The following NTM variants were observed in gnomAD, a reference collection of about 807,000 sequenced individuals.
NTM encodes the protein neurotrimin.
A neutral mutation model predicts 42.1 loss-of-function variants in NTM; 13 were observed. The observed-to-expected ratio is 0.31, with a 90% CI of 0.20 to 0.49. The LOEUF (loss-of-function observed/expected upper bound fraction) is 0.49, where lower values mean the gene tolerates loss of function less well. NTM is among the 20% of genes least tolerant of loss of function. The probability of loss-of-function intolerance (pLI) is 0.99; values close to 1 mark genes in which losing one functional copy is unlikely to be tolerated. For synonymous variants in NTM, 187 were observed against 179.2 expected (o/e 1.04, Z -0.35); for missense variants, 373 against 452.8 (o/e 0.82, Z 1.60).
intron 2 of NTM, among the ~76,000 whole-genome samples, chr11:132,015,014 T>C (rs931933616): frequency 6.6e-6 from 1 of 152,004 alleles, no homozygotes; most frequent in East Asian, 1.9e-4. Context: ...CTAGTAGTTT[T>C]ATAGTTTTAG....
intron 4 of NTM, among the ~76,000 whole-genome samples, chr11:132,235,983 C>T (rs985317953): frequency 7.1e-6 from 1 of 140,194 alleles, no homozygotes; most frequent in Non-Finnish European, 1.6e-5. Context: ...TTTTGACAGG[C>T]ACACACACAG....
intron 2 of NTM, among the ~76,000 whole-genome samples, chr11:131,924,268 C>T (rs1215289779): frequency 2.0e-5 from 3 of 152,126 alleles, no homozygotes; most frequent in African/African-American, 4.8e-5. Flanking sequence ...GTCTCGGGGC[C>T]AAGGTGACCT....
intron 1 of NTM, among the ~76,000 whole-genome samples, chr11:131,545,717 G>A (rs938637905): frequency 1.3e-5 from 2 of 152,148 alleles, no homozygotes; most frequent in African/African-American, 4.8e-5. Context: ...CAGGTCTATG[G>A]GGACATATTA....
intron 2 of NTM, among the ~76,000 whole-genome samples, chr11:131,951,085 A>G (rs552542): frequency 0.52 from 79,149 of 151,990 alleles, 21,348 homozygotes; most frequent in African/African-American, 0.65. Flanking sequence ...AGCAAGGATG[A>G]GCTATTTTCC....
At chr11:132,191,088 AC>A (rs1435158612) in intron 3 of NTM, among the ~76,000 whole-genome samples, 1 of 152,194 alleles carries the variant, frequency 6.6e-6, no homozygotes, top group Non-Finnish European at 1.5e-5. Flanking sequence ...AGGGGAAAAA[AC>A]AGGTCAGTGT....
chr11:131,594,214 TG>T (rs1317939003), intron 1 of NTM, among the ~76,000 whole-genome samples: 13 of 152,204 alleles, frequency 8.5e-5, no homozygotes, highest in South Asian at 2.1e-4. Flanking sequence ...AATTTGGCAC[TG>T]GGGAGGACCT....
intron 1 of NTM, among the ~76,000 whole-genome samples, chr11:131,556,080 C>T (rs1000581495): frequency 2.6e-5 from 4 of 152,166 alleles, no homozygotes; most frequent in Admixed American, 6.5e-5. Flanking sequence ...GTTCTGAGAG[C>T]TGTCATGGTG....
intron 3 of NTM, among the ~76,000 whole-genome samples, chr11:132,196,600 C>T (rs1162638709): frequency 6.6e-6 from 1 of 152,156 alleles, no homozygotes. Context: ...CCATGGAATA[C>T]TACACATCCG....
At chr11:132,193,347 A>C (rs188936075) in intron 3 of NTM, among the ~76,000 whole-genome samples, 1 of 152,184 alleles carries the variant, frequency 6.6e-6, no homozygotes, top group Admixed American at 6.5e-5. Flanking sequence ...TATTAACAAG[A>C]AGATCTCTGA....
At chr11:131,764,153 C>T (rs1291729859) in intron 1 of NTM, among the ~76,000 whole-genome samples, 1 of 152,000 alleles carries the variant, frequency 6.6e-6, no homozygotes, top group Non-Finnish European at 1.5e-5. Flanking sequence ...GGCAACATTA[C>T]CACTTGCTTT....
At chr11:132,316,056 T>C (rs1039619265) in intron 7 of NTM, among the ~76,000 whole-genome samples, 29 of 152,214 alleles carry the variant, frequency 1.9e-4, no homozygotes, top group African/African-American at 6.7e-4. Context: ...CAGTTTCCCA[T>C]TAACCCAAGT....
rs552800303 is a variant in NTM at position 131,445,985 on chromosome 11, C to T, written c.82+75097C>T. ...CTGCAAAGGCTAACATAGTTACTAT[C>T]CAGTTATTTATAGAAATCAATTGCC... On this transcript the variant is annotated intron_variant, in intron 1 of 8. Coordinates refer to ENST00000683400, the MANE Select transcript of NTM (RefSeq NM_001352005.2). Among the ~76,000 whole-genome samples, 7 of 152,304 alleles carry T rather than the reference C, an allele frequency of 4.6e-5. No homozygotes were observed. In the South Asian group the frequency reaches 1.4e-3, roughly 32 times the overall value.
intron 1 of NTM, among the ~76,000 whole-genome samples, chr11:131,606,858 G>A (rs561979062): frequency 2.0e-5 from 3 of 152,202 alleles, no homozygotes; most frequent in African/African-American, 4.8e-5. Context: ...AAAAGAGGCC[G>A]TGGTTTAAGA....
At chr11:132,156,316 C>T (rs1350371978) in intron 3 of NTM, among the ~76,000 whole-genome samples, 6 of 152,208 alleles carry the variant, frequency 3.9e-5, no homozygotes, top group African/African-American at 2.4e-5. Flanking sequence ...GTCATAGGCC[C>T]TTTGAACGTT....
intron 2 of NTM, among the ~76,000 whole-genome samples, chr11:132,051,655 G>A (rs965829794): frequency 9.9e-5 from 15 of 152,174 alleles, no homozygotes; most frequent in African/African-American, 3.6e-4. Flanking sequence ...GGCACAGGAT[G>A]CCAAGAGCCC....
intron 1 of NTM, among the ~76,000 whole-genome samples, chr11:131,683,060 A>T (rs1020981265): frequency 6.6e-6 from 1 of 152,198 alleles, no homozygotes; most frequent in African/African-American, 2.4e-5. Context: ...TGTGGCGAAA[A>T]TAACAACCCA....
chr11:132,317,711 A>ATGTTT (rs2095467723), intron 7 of NTM: 1 of 1,297,892 alleles, frequency 7.7e-7, no homozygotes, highest in Admixed American at 2.3e-5. Flanking sequence ...TCCTTGCTTT[A>ATGTTT]TGTTTTGTCT....
At chr11:131,659,831 C>T (rs932737253) in intron 1 of NTM, among the ~76,000 whole-genome samples, 7 of 152,198 alleles carry the variant, frequency 4.6e-5, no homozygotes, top group South Asian at 2.1e-4. Flanking sequence ...TAGCTCTGAG[C>T]TGTCCTCCAC....
intron 2 of NTM, among the ~76,000 whole-genome samples, chr11:131,970,902 A>G (rs2063446923): frequency 6.6e-6 from 1 of 152,120 alleles, no homozygotes; most frequent in South Asian, 2.1e-4. Context: ...CGTTTCATAA[A>G]TTTCATTAAA....
Sources: gnomAD v4.1 joint callset for allele counts (sites outside exome capture counted in the v4.1 genomes callset) on GRCh38, gnomAD v4.1.1 for gene constraint, MANE v1.5 for transcripts, NCBI Gene and HGNC (gene_info 2026-07-23, HGNC 2026-07-21) for gene names.